Variants in SORCS1 observed in about 807,000 individuals in gnomAD.
SORCS1 encodes VPS10 domain-containing receptor SorCS1.
A neutral mutation model predicts 146.1 loss-of-function variants in SORCS1; 60 were observed. That is an observed-to-expected ratio of 0.41 (90% CI 0.33 to 0.51). The LOEUF (loss-of-function observed/expected upper bound fraction) is 0.51. SORCS1 is among the 20% of genes least tolerant of loss of function. SORCS1 has a pLI of 0.21. For missense variants in SORCS1, 1,352 were observed against 1,487.6 expected, an observed-to-expected ratio of 0.91 and a Z score of 1.50; for synonymous variants, 637 against 584.0, an observed-to-expected ratio of 1.09 and a Z score of -1.31.
At chr10:107,102,208 C>G (rs531951581) in intron 1 of SORCS1, among the ~76,000 whole-genome samples, 1 of 152,114 alleles carries the variant, frequency 6.6e-6, no homozygotes, top group Non-Finnish European at 1.5e-5. Flanking sequence ...TTGTCATTAT[C>G]GAGCCTTCAT....
intron 1 of SORCS1, among the ~76,000 whole-genome samples, chr10:107,161,876 G>A (rs1167596912): frequency 1.3e-5 from 2 of 152,164 alleles, no homozygotes; most frequent in African/African-American, 4.8e-5. Flanking sequence ...TGTGTGTGAT[G>A]ACCAGAGCAG....
intron 1 of SORCS1, among the ~76,000 whole-genome samples, chr10:107,115,319 C>A (rs1257893564): frequency 1.3e-5 from 2 of 150,782 alleles, no homozygotes; most frequent in Admixed American, 1.3e-4. Flanking sequence ...AGAAAAAGAA[C>A]AAAGCTAGAG....
intron 6 of SORCS1, among the ~76,000 whole-genome samples, chr10:106,712,923 T>C (rs1393043228): frequency 6.6e-6 from 1 of 152,210 alleles, no homozygotes; most frequent in African/African-American, 2.4e-5. Flanking sequence ...AGGAGGAATG[T>C]TGTCACTCTA....
At chr10:106,672,212 C>G (rs899694898) in intron 15 of SORCS1, among the ~76,000 whole-genome samples, 4 of 152,166 alleles carry the variant, frequency 2.6e-5, no homozygotes, top group Non-Finnish European at 5.9e-5. Flanking sequence ...ATGGTGATGG[C>G]TTTGCAGCAG....
chr10:106,754,774 A>C (rs1024806281), intron 5 of SORCS1, among the ~76,000 whole-genome samples: 29 of 152,326 alleles, frequency 1.9e-4, no homozygotes, highest in Non-Finnish European at 1.5e-4. Context: ...CCGGAGGGAC[A>C]TCCTTGAAAC....
intron 9 of SORCS1, among the ~76,000 whole-genome samples, chr10:106,698,630 C>T (rs1415223544): frequency 3.3e-5 from 5 of 152,194 alleles, no homozygotes; most frequent in Non-Finnish European, 5.9e-5. Flanking sequence ...AATAAAGACT[C>T]TGCTAAGCTC....
chr10:107,065,415 T>TTTCTTTCTTTCTTTCTTTC (rs1554937382), intron 1 of SORCS1, among the ~76,000 whole-genome samples: 2 of 120,396 alleles, frequency 1.7e-5, no homozygotes, highest in African/African-American at 9.1e-5. Flanking sequence ...TCTCTCTTTC[T>TTTCTTTCTTTCTTTCTTTC]TTTCTTTCTT....
intron 1 of SORCS1, among the ~76,000 whole-genome samples, chr10:107,027,033 TAA>T (rs34574273): frequency 0.4 from 58,461 of 145,460 alleles, 12,141 homozygotes; most frequent in African/African-American, 0.51. Flanking sequence ...TATATATATA[TAA>T]AAATATATAT....
At chr10:106,665,450 T>C (rs916879412) in intron 17 of SORCS1, among the ~76,000 whole-genome samples, 2 of 151,486 alleles carry the variant, frequency 1.3e-5, no homozygotes, top group Non-Finnish European at 2.9e-5. Flanking sequence ...CTTGAACTCC[T>C]GGACCCAAAC....
intron 2 of SORCS1, among the ~76,000 whole-genome samples, chr10:106,927,009 G>C (rs1354002130): frequency 6.6e-6 from 1 of 151,994 alleles, no homozygotes; most frequent in Non-Finnish European, 1.5e-5. Context: ...ATACTACATG[G>C]CTCAGAGTTG....
chr10:106,598,937 C>T (rs1846069936), intron 23 of SORCS1, among the ~76,000 whole-genome samples: 1 of 152,158 alleles, frequency 6.6e-6, no homozygotes, highest in South Asian at 2.1e-4. Context: ...CCAGAGCAAG[C>T]CCAGCCTTTC....
At chr10:107,133,899 C>T (rs1019141948) in intron 1 of SORCS1, among the ~76,000 whole-genome samples, 1 of 152,350 alleles carries the variant, frequency 6.6e-6, no homozygotes, top group East Asian at 1.9e-4. Context: ...AAATAGCTTA[C>T]TCAAGCAGTC....
chr10:106,699,765 G>C (rs1311019213), intron 8 of SORCS1, among the ~76,000 whole-genome samples: 1 of 152,106 alleles, frequency 6.6e-6, no homozygotes, highest in African/African-American at 2.4e-5. Flanking sequence ...GGGTAGATAT[G>C]AGGAAAAGCT....
chr10:107,030,421 A>G (rs770002363), intron 1 of SORCS1, among the ~76,000 whole-genome samples: 2 of 152,156 alleles, frequency 1.3e-5, no homozygotes, highest in Non-Finnish European at 2.9e-5. Flanking sequence ...AATTTGTATG[A>G]TTCTAACTTC....
intron 3 of SORCS1, among the ~76,000 whole-genome samples, chr10:106,787,548 G>C (rs972314419): frequency 2.0e-5 from 3 of 152,090 alleles, no homozygotes; most frequent in Non-Finnish European, 4.4e-5. Context: ...ACACTCATCT[G>C]CTCCAAGTTA....
chr10:107,067,073 T>C (rs2134156287), intron 1 of SORCS1, among the ~76,000 whole-genome samples: 1 of 152,296 alleles, frequency 6.6e-6, no homozygotes, highest in East Asian at 1.9e-4. Context: ...CATTGTTTTA[T>C]GGGAGCTGGC....
intron 22 of SORCS1, among the ~76,000 whole-genome samples, chr10:106,609,929 C>T (rs1161104697): frequency 6.6e-6 from 1 of 152,212 alleles, no homozygotes; most frequent in Non-Finnish European, 1.5e-5. Flanking sequence ...CCCTAGAATG[C>T]TGCAGATGAG....
At chr10:106,816,189 A>G (rs1947733840) in intron 3 of SORCS1, among the ~76,000 whole-genome samples, 2 of 152,134 alleles carry the variant, frequency 1.3e-5, no homozygotes, top group South Asian at 4.1e-4. Context: ...GGAATTATAA[A>G]CCTTTCAATA....
chr10:106,667,866 A>G (rs12412558), intron 16 of SORCS1, 64 bp from the exon 17 acceptor site: 174,639 of 1,129,472 alleles, frequency 0.15, 16,793 homozygotes, highest in African/African-American at 0.34. Flanking sequence ...ACAATTCTAC[A>G]TCAGTCCACA....
Sources: gnomAD v4.1 joint callset for allele counts (sites outside exome capture counted in the v4.1 genomes callset) on GRCh38, gnomAD v4.1.1 for gene constraint, MANE v1.5 for transcripts, NCBI Gene and HGNC (gene_info 2026-07-23, HGNC 2026-07-21) for gene names.